Variants in KCNH1 observed in about 807,000 individuals in gnomAD.
KCNH1 encodes voltage-gated delayed rectifier potassium channel KCNH1.
In KCNH1, 27 loss-of-function variants were observed where a neutral mutation model predicts 69.2. The observed-to-expected ratio is 0.39, with a 90% CI of 0.29 to 0.54. KCNH1 has a LOEUF of 0.54. Among genes scored for constraint, KCNH1 ranks in the 20% least tolerant of loss-of-function variants. The pLI is 0.68. For missense variants in KCNH1, 798 were observed against 1,261.6 expected (o/e 0.63, Z 5.57); for synonymous variants, 456 against 487.7 (o/e 0.93, Z 0.86).
chr1:210,935,199 T>C (rs1008951085), intron 6 of KCNH1, among the ~76,000 whole-genome samples: 16 of 133,192 alleles, frequency 1.2e-4, no homozygotes, highest in African/African-American at 4.4e-4. Flanking sequence ...AAAAATAAAA[T>C]CCTGCCATTT....
At chr1:210,887,689 G>T (rs1370161887) in intron 7 of KCNH1, among the ~76,000 whole-genome samples, 1 of 135,974 alleles carries the variant, frequency 7.4e-6, no homozygotes, top group African/African-American at 2.7e-5. Flanking sequence ...AAAATAAAGG[G>T]ATGGAGGAAT....
intron 6 of KCNH1, among the ~76,000 whole-genome samples, chr1:210,942,810 G>A (rs1687897709): frequency 6.6e-6 from 1 of 151,528 alleles, no homozygotes; most frequent in Admixed American, 6.6e-5. Flanking sequence ...AAAACTCATA[G>A]GATACAATTT....
At chr1:211,003,580 C>T (rs1501551) in intron 6 of KCNH1, among the ~76,000 whole-genome samples, 67,421 of 151,658 alleles carry the variant, frequency 0.44, 15,531 homozygotes, top group South Asian at 0.57. Context: ...CTATTATCTA[C>T]GAGGTCTGAC....
intron 10 of KCNH1, among the ~76,000 whole-genome samples, chr1:210,699,811 AT>A (rs943547207): frequency 6.6e-6 from 1 of 152,210 alleles, no homozygotes; most frequent in African/African-American, 2.4e-5. Flanking sequence ...ACTATTATTT[AT>A]TTTATGAATG....
chr1:210,702,005 T>C (rs777548784), intron 10 of KCNH1, among the ~76,000 whole-genome samples: 3 of 152,200 alleles, frequency 2.0e-5, no homozygotes, highest in Non-Finnish European at 4.4e-5. Context: ...TGAATAATAA[T>C]TTGGGGCATG....
chr1:211,008,551 A>G (rs1689328791), intron 6 of KCNH1, among the ~76,000 whole-genome samples: 1 of 152,240 alleles, frequency 6.6e-6, no homozygotes, highest in African/African-American at 2.4e-5. Flanking sequence ...GTGCTGAGAG[A>G]AGCCAGGTAC....
intron 10 of KCNH1, among the ~76,000 whole-genome samples, chr1:210,744,804 T>C (rs1683111506): frequency 6.6e-6 from 1 of 152,160 alleles, no homozygotes; most frequent in Non-Finnish European, 1.5e-5. Context: ...CAAAGATCCA[T>C]GGGACCCACC....
At chr1:211,097,466 A>C (rs1691178309) in intron 3 of KCNH1, among the ~76,000 whole-genome samples, 2 of 152,264 alleles carry the variant, frequency 1.3e-5, no homozygotes, top group Non-Finnish European at 2.9e-5. Flanking sequence ...AGTTAAAAGA[A>C]AAAATGTTTA....
chr1:210,994,892 G>A (rs188151968), intron 6 of KCNH1, among the ~76,000 whole-genome samples: 6 of 152,264 alleles, frequency 3.9e-5, no homozygotes, highest in African/African-American at 7.2e-5. Context: ...GTTTCCTCAC[G>A]TATAAAAATG....
chr1:210,730,293 T>C (rs1270314347), intron 10 of KCNH1, among the ~76,000 whole-genome samples: 1 of 152,144 alleles, frequency 6.6e-6, no homozygotes, highest in Non-Finnish European at 1.5e-5. Flanking sequence ...CCCTTCTTTC[T>C]AAAAGGCAGG....
chr1:210,768,542 G>A (rs1033521638), intron 10 of KCNH1, among the ~76,000 whole-genome samples: 3 of 151,970 alleles, frequency 2.0e-5, no homozygotes, highest in African/African-American at 7.3e-5. Flanking sequence ...GAGGCAACAT[G>A]CCTGGCACTT....
intron 6 of KCNH1, among the ~76,000 whole-genome samples, chr1:210,928,380 G>A (rs1687616237): frequency 6.6e-6 from 1 of 152,090 alleles, no homozygotes; most frequent in African/African-American, 2.4e-5. Flanking sequence ...TTAAACCACA[G>A]TGGAATAAAA....
At chr1:210,684,208 C>G in intron 10 of KCNH1, 70 bp from the exon 11 acceptor site, 1 of 1,439,088 alleles carries the variant, frequency 6.9e-7, no homozygotes, top group Non-Finnish European at 9.1e-7. Flanking sequence ...CCAGCTCAGC[C>G]CTTCTGCCTA....
intron 10 of KCNH1, among the ~76,000 whole-genome samples, chr1:210,732,254 C>T (rs1682765545): frequency 6.6e-6 from 1 of 151,792 alleles, no homozygotes; most frequent in South Asian, 2.1e-4. Flanking sequence ...GGGGGTACAC[C>T]ACCAGCTCGG....
At chr1:210,963,021 T>C (rs993644405) in intron 6 of KCNH1, among the ~76,000 whole-genome samples, 30 of 151,952 alleles carry the variant, frequency 2.0e-4, no homozygotes, top group Non-Finnish European at 3.7e-4. Flanking sequence ...GCCATTTTCT[T>C]ATTGCTTTGT....
chr1:210,995,383 C>G (rs1413917559), intron 6 of KCNH1, among the ~76,000 whole-genome samples: 9 of 152,166 alleles, frequency 5.9e-5, no homozygotes, highest in African/African-American at 1.4e-4. Context: ...TAAATTAACA[C>G]AGCAATTGTC....
chr1:211,107,163 T>C, intron 2 of KCNH1, 91 bp downstream of exon 2: 1 of 1,429,644 alleles, frequency 7.0e-7, no homozygotes, highest in Non-Finnish European at 9.8e-7. Context: ...CTAAATGAGG[T>C]AAAGGCAATT....
chr1:210,798,777 A>C (rs558152277), intron 8 of KCNH1, among the ~76,000 whole-genome samples: 2 of 152,338 alleles, frequency 1.3e-5, no homozygotes, highest in East Asian at 3.9e-4. Flanking sequence ...AAGCAGTTAA[A>C]TTTAGAAAAT....
chr1:211,018,699 C>T, intron 6 of KCNH1, 84 bp downstream of exon 6: 4 of 1,035,198 alleles, frequency 3.9e-6, no homozygotes, highest in Non-Finnish European at 5.8e-6. Flanking sequence ...ATTTCCCACC[C>T]ATTTAATTAT....
Sources: allele counts gnomAD v4.1 joint callset (sites outside exome capture counted in the v4.1 genomes callset), GRCh38; gene constraint gnomAD v4.1.1; transcripts MANE v1.5; gene names NCBI Gene and HGNC (gene_info 2026-07-23, HGNC 2026-07-21).